VPS26C: variants seen among roughly 807,000 people sequenced by gnomAD.
VPS26C encodes VPS26 endosomal protein sorting factor C.
A neutral mutation model predicts 30.6 loss-of-function variants in VPS26C; 19 were observed. The observed-to-expected ratio is 0.62, with a 90% CI of 0.43 to 0.91. VPS26C has a LOEUF of 0.91. Among genes scored for constraint, VPS26C ranks in the 40% least tolerant of loss-of-function variants. The pLI, the probability that VPS26C is intolerant of heterozygous loss-of-function variation, is 0.00. For synonymous variants in VPS26C, 132 were observed against 151.5 expected (o/e 0.87, Z 0.95); for missense variants, 318 against 385.1 (o/e 0.83, Z 1.46).
At chr21:37,267,852 C>T (rs369767279), upstream of VPS26C, 4 of 154,632 alleles carry the variant, frequency 2.6e-5, no homozygotes, top group Admixed American at 2.6e-4. Flanking sequence ...CGCTTTCTCC[C>T]TGGGGTTCTG....
Position 37,267,202 on chromosome 21 carries a change from ACCCCACCTCCAT to A in VPS26C, c.57+24_57+35del, listed in dbSNP as rs767515796. ...ACAGCGGAACCTGCAGACCCGCCCA[ACCCCACCTCCAT>A]CCCCACCCCCAGCCCCCACTTACCC... On this transcript the variant is annotated intron_variant, in intron 1 of 7. Coordinates refer to ENST00000309117, the MANE Select transcript of VPS26C (RefSeq NM_006052.2). 12 of 999,068 alleles carry A rather than the reference ACCCCACCTCCAT, an allele frequency of 1.2e-5. No individual in the cohort carries two copies. In the East Asian group the frequency reaches 2.7e-4, roughly 23 times the overall value. The allele number at this position is 999,068 out of a possible 1,614,324, so 61.9% of individuals were successfully genotyped here. A position where few individuals can be genotyped will look rare whatever the true frequency, so the allele number is the denominator to read the frequency against.
In VPS26C at chr21:37,223,892, A is replaced by C. The variant is rs2083703316; in HGVS notation, c.*1652T>G. 1.3e-5 allele frequency: 2 copies of C among 152,294 alleles called. No individual in the cohort carries two copies. The highest frequency in any genetic ancestry group is 1.3e-4 in the Admixed American group (2 of 15,284). The allele number at this position is 152,294 out of a possible 1,614,324, so 9.4% of individuals were successfully genotyped here. A position where few individuals can be genotyped will look rare whatever the true frequency, so the allele number is the denominator to read the frequency against. On this transcript the variant is annotated 3_prime_UTR_variant, in exon 8 of 8. Coordinates refer to ENST00000309117, the MANE Select transcript of VPS26C (RefSeq NM_006052.2). ...TACAAAAGAAGGCTAGTGTGTGTGC[A>C]AAGCAGCATGGCTTATTTTGAGGTC...
intron 1 of VPS26C, among the ~76,000 whole-genome samples, chr21:37,242,675 T>G (rs922427208): frequency 1.3e-5 from 2 of 152,210 alleles, no homozygotes; most frequent in Non-Finnish European, 2.9e-5. Flanking sequence ...ACAAAATAAT[T>G]TGTGAGCTTT....
At position 37,224,531 on chromosome 21, in the gene VPS26C, C is replaced by T. The variant is rs1223343107; in HGVS notation, c.*1013G>A. 2.6e-5 allele frequency: 4 copies of T among 152,194 alleles called. No homozygotes were observed. Among genetic ancestry groups the T allele is most frequent in the Admixed American group, 2.6e-4 (4 of 15,276 alleles). 9.4% of individuals were successfully genotyped at this position (152,194 alleles called of 1,614,324 possible). ...TGACACAGTTTGGAAAACTGTCTCT[C>T]TCTATGTATGTATCTGTTCAGGGAA... On this transcript the variant is annotated 3_prime_UTR_variant, in exon 8 of 8. Coordinates refer to ENST00000309117, the MANE Select transcript of VPS26C (RefSeq NM_006052.2).
In VPS26C at chr21:37,267,221, C is replaced by G; in HGVS notation, c.57+17G>C. ...CGCCCAACCCCACCTCCATCCCCAC[C>G]CCCAGCCCCCACTTACCCCGGCGTG... On this transcript the variant is annotated intron_variant, in intron 1 of 7. Transcript: ENST00000309117. 3 of 1,499,498 alleles carry G rather than the reference C, an allele frequency of 2.0e-6. No individual in the cohort carries two copies. Among genetic ancestry groups the G allele is most frequent in the Non-Finnish European group, 2.8e-6 (3 of 1,081,152 alleles). 92.9% of individuals were successfully genotyped at this position (1,499,498 alleles called of 1,614,324 possible). A position where few individuals can be genotyped will look rare whatever the true frequency, so the allele number is the denominator to read the frequency against.
intron 3 of VPS26C, chr21:37,238,155 C>G (rs2086044295): frequency 3.2e-6 from 1 of 311,222 alleles, no homozygotes; most frequent in South Asian, 5.1e-5. Context: ...GAAGTTAGGG[C>G]ATATCTGTTA....
chr21:37,235,160 C>T (rs965361783), intron 3 of VPS26C, among the ~76,000 whole-genome samples: 2 of 152,166 alleles, frequency 1.3e-5, no homozygotes, highest in Non-Finnish European at 2.9e-5. Flanking sequence ...GCATCCACCA[C>T]CATGCCCGGC....
chr21:37,267,648 T>C (rs891064781), upstream of VPS26C: 6 of 295,188 alleles, frequency 2.0e-5, no homozygotes, highest in Admixed American at 5.0e-5. Flanking sequence ...GAGGAACGGC[T>C]CTCCCCGCGT....
intron 6 of VPS26C, 41 bp downstream of exon 6, chr21:37,228,182 G>A: frequency 6.3e-7 from 1 of 1,596,686 alleles, no homozygotes; most frequent in Non-Finnish European, 8.5e-7. Flanking sequence ...TGGCAGTCGA[G>A]GGGGACAGGC....
At chr21:37,254,463 C>T (rs2086222715) in intron 1 of VPS26C, among the ~76,000 whole-genome samples, 1 of 152,120 alleles carries the variant, frequency 6.6e-6, no homozygotes, top group Non-Finnish European at 1.5e-5. Flanking sequence ...TGCCACTGTG[C>T]TCCAGCCTGC....
intron 3 of VPS26C, 24 bp downstream of exon 3, chr21:37,238,436 C>T (rs770503472): frequency 1.1e-5 from 17 of 1,604,112 alleles, no homozygotes; most frequent in Middle Eastern, 1.7e-4. Context: ...TGAAGTCAGT[C>T]GCGTAGGACT....
intron 5 of VPS26C, among the ~76,000 whole-genome samples, chr21:37,229,798 G>A (rs982987970): frequency 6.6e-6 from 1 of 152,150 alleles, no homozygotes; most frequent in Non-Finnish European, 1.5e-5. Flanking sequence ...TGAAAAGCCC[G>A]GGACTCTGGA....
At chr21:37,238,641 A>G (rs1269351450) in intron 2 of VPS26C, 32 bp from the exon 3 acceptor site, 1 of 1,610,148 alleles carries the variant, frequency 6.2e-7, no homozygotes, top group Non-Finnish European at 8.5e-7. Flanking sequence ...GTCCATCAGC[A>G]CACACTTGGA....
chr21:37,232,458 C>T lies in VPS26C; in HGVS notation c.433-7G>A, dbSNP rs538632573. The T allele has an allele frequency of 2.0e-5, 33 of 1,613,606 alleles. No homozygotes were observed. Among genetic ancestry groups the T allele is most frequent in the Non-Finnish European group, 2.5e-5 (30 of 1,179,624 alleles). The stretch of plus-strand genomic sequence containing the variant: ...TAAACTTCCCCTTCTGAGGCTAAAA[C>T]GAGAGGTGAAACCGAAATCAGTAGG... On this transcript the variant is annotated splice_polypyrimidine_tract_variant and splice_region_variant and intron_variant, in intron 4 of 7. Transcript: ENST00000309117.
At chr21:37,238,242 C>T (rs751735354) in intron 3 of VPS26C, 56 of 530,370 alleles carry the variant, frequency 1.1e-4, no homozygotes, top group Middle Eastern at 4.9e-4. Context: ...AAAGAAGTTA[C>T]AGCACGAGTG....
At chr21:37,264,624 T>A (rs182663082) in intron 1 of VPS26C, among the ~76,000 whole-genome samples, 4 of 152,292 alleles carry the variant, frequency 2.6e-5, no homozygotes, top group Admixed American at 2.0e-4. Context: ...CATTGTTATT[T>A]TGAAACATTT....
In VPS26C at chr21:37,236,411, C is replaced by A. The variant is rs1490157370; in HGVS notation, c.351+2049G>T. The stretch of plus-strand genomic sequence containing the variant: ...ATTTAAAAAAACATAATCTTAGTTT[C>A]TCTTAAATTTATTTTCTCAAAAGAC... On this transcript the variant is annotated intron_variant, in intron 3 of 7. Transcript: ENST00000309117. Among the ~76,000 whole-genome samples the A allele has an allele frequency of 2.0e-5, 3 of 152,154 alleles. No individual in the cohort carries two copies. In the East Asian group the frequency reaches 5.8e-4, roughly 29 times the overall value.
chr21:37,253,358 G>A (rs536192405), intron 1 of VPS26C, among the ~76,000 whole-genome samples: 114 of 152,268 alleles, frequency 7.5e-4, no homozygotes, highest in African/African-American at 2.0e-3. Flanking sequence ...ACATTCTGGG[G>A]CAGAACCAAC....
intron 1 of VPS26C, among the ~76,000 whole-genome samples, chr21:37,262,187 TG>T (rs2086311560): frequency 1.3e-5 from 2 of 152,344 alleles, no homozygotes; most frequent in Non-Finnish European, 2.9e-5. Flanking sequence ...TATAAACACC[TG>T]GTCAACCAAG....
Sources: allele counts gnomAD v4.1 joint callset (sites outside exome capture counted in the v4.1 genomes callset), GRCh38; gene constraint gnomAD v4.1.1; transcripts MANE v1.5; gene names NCBI Gene and HGNC (gene_info 2026-07-23, HGNC 2026-07-21).